SPOCK3: variants seen among roughly 807,000 people sequenced by gnomAD.
SPOCK3 encodes the protein SPARC (osteonectin), cwcv and kazal like domains proteoglycan 3, also known as testican-3.
Under a neutral mutation model 56.6 loss-of-function variants are expected in SPOCK3, and 30 were observed. The observed-to-expected ratio is 0.53, with a 90% CI of 0.40 to 0.72. The LOEUF is 0.72. SPOCK3 is among the 30% of genes least tolerant of loss of function. The pLI is 0.00. For missense variants in SPOCK3, 527 were observed against 530.0 expected (o/e 0.99, Z 0.06); for synonymous variants, 196 against 183.3 (o/e 1.07, Z -0.56).
chr4:167,133,472 T>A (rs1207391953), intron 2 of SPOCK3, among the ~76,000 whole-genome samples: 1 of 152,190 alleles, frequency 6.6e-6, no homozygotes, highest in Non-Finnish European at 1.5e-5. Flanking sequence ...GGCAATATGT[T>A]GCAGAGCAAT....
intron 3 of SPOCK3, among the ~76,000 whole-genome samples, chr4:167,042,562 A>G (rs1191613038): frequency 6.6e-6 from 1 of 152,150 alleles, no homozygotes; most frequent in Non-Finnish European, 1.5e-5. Flanking sequence ...GAGTAGACTG[A>G]TCAGAAAACT....
chr4:167,182,559 A>C (rs1027126701), intron 2 of SPOCK3, among the ~76,000 whole-genome samples: 2 of 150,410 alleles, frequency 1.3e-5, no homozygotes, highest in African/African-American at 2.4e-5. Flanking sequence ...TTTTTTTTTC[A>C]AGACAAGTCT....
At chr4:166,753,264 C>G (rs1281519756) in intron 8 of SPOCK3, among the ~76,000 whole-genome samples, 1 of 151,920 alleles carries the variant, frequency 6.6e-6, no homozygotes, top group Non-Finnish European at 1.5e-5. Context: ...GTGTATTTTT[C>G]TGGCAGTTTA....
At position 166,774,931 on chromosome 4, in the gene SPOCK3, G is replaced by A. The variant is rs561397231; in HGVS notation, c.709+17239C>T. ...TATGTTAACAGTTTAAGTGCAACTT[G>A]CTTACATTTGCAAATACCTTCATAT... On this transcript the variant is annotated intron_variant, in intron 7 of 10. Coordinates refer to ENST00000357545, the MANE Select transcript of SPOCK3 (RefSeq NM_001040159.2). Among the ~76,000 whole-genome samples the A allele has an allele frequency of 7.7e-4, 117 of 152,222 alleles. 1 individual carries two copies. In the South Asian group the frequency reaches 7.9e-3, roughly 10 times the overall value.
chr4:167,109,183 T>C (rs1296075331), intron 2 of SPOCK3, among the ~76,000 whole-genome samples: 1 of 79,764 alleles, frequency 1.3e-5, no homozygotes, highest in South Asian at 4.1e-4. Flanking sequence ...AAAATATATA[T>C]AAATATTATA....
At chr4:166,990,908 G>A (rs115886791) in intron 4 of SPOCK3, among the ~76,000 whole-genome samples, 2,156 of 152,170 alleles carry the variant, frequency 0.014, 43 homozygotes, top group African/African-American at 0.049. Context: ...CTCATTTAAT[G>A]AAGAGATTAT....
chr4:166,752,601 CACACACACACACAT>C lies in SPOCK3; in HGVS notation c.931+1893_931+1906del, dbSNP rs1195353873. ...ACACACACACACACACACACACACA[CACACACACACACAT>C]ATATTTATAGCTACAGTAAACAAGA... On this transcript the variant is annotated intron_variant, in intron 8 of 10. Coordinates refer to ENST00000357545, the MANE Select transcript of SPOCK3 (RefSeq NM_001040159.2). 2.6e-3 allele frequency among the ~76,000 whole-genome samples: 362 copies of C among 137,920 alleles called. 3 individuals carry two copies. Among genetic ancestry groups the C allele is most frequent in the African/African-American group, 9.6e-3 (336 of 35,154 alleles). The allele number at this position is 137,920 out of a possible 152,430, so 90.5% of individuals were successfully genotyped here.
chr4:167,021,109 A>T (rs534392051), intron 3 of SPOCK3, among the ~76,000 whole-genome samples: 54 of 152,210 alleles, frequency 3.5e-4, no homozygotes, highest in Admixed American at 5.2e-4. Context: ...TTGAATAAAA[A>T]TTATAAGAAT....
chr4:166,982,303 G>A (rs1746670073), intron 4 of SPOCK3, among the ~76,000 whole-genome samples: 1 of 152,228 alleles, frequency 6.6e-6, no homozygotes, highest in South Asian at 2.1e-4. Flanking sequence ...ATGCAAAACT[G>A]TCTTTTGATG....
At chr4:167,080,878 CTT>C (rs766090610) in intron 2 of SPOCK3, among the ~76,000 whole-genome samples, 27 of 129,024 alleles carry the variant, frequency 2.1e-4, no homozygotes, top group African/African-American at 5.6e-4. Flanking sequence ...CTCTTTCTTT[CTT>C]TTTTTTTTTT....
intron 2 of SPOCK3, among the ~76,000 whole-genome samples, chr4:167,140,022 C>T (rs548498014): frequency 6.6e-6 from 1 of 151,958 alleles, no homozygotes; most frequent in African/African-American, 2.4e-5. Context: ...GCCAATATGA[C>T]GTAGTCAAGT....
intron 5 of SPOCK3, among the ~76,000 whole-genome samples, chr4:166,893,618 A>G (rs893144584): frequency 7.2e-5 from 11 of 152,272 alleles, no homozygotes; most frequent in Middle Eastern, 3.4e-3. Flanking sequence ...TTCAAGCACT[A>G]TTTTATAGTT....
rs1053783670 is a variant in SPOCK3, at chr4:166,828,492, G to A, written c.590-36203C>T. Among the ~76,000 whole-genome samples, 5 of 151,968 alleles carry A rather than the reference G, an allele frequency of 3.3e-5. No individual in the cohort carries two copies. In the South Asian group the frequency reaches 1.0e-3, roughly 32 times the overall value. Reference sequence around the variant, plus strand: ...AATATTGTGTAACTTATCATATTATGTGGGGAACAATTTTTCCCACTTTTT... The same window carrying A: ...AATATTGTGTAACTTATCATATTATATGGGGAACAATTTTTCCCACTTTTT... On this transcript the variant is annotated intron_variant, in intron 6 of 10. Coordinates refer to ENST00000357545, the MANE Select transcript of SPOCK3 (RefSeq NM_001040159.2).
chr4:166,933,961 A>T (rs1374981733), intron 4 of SPOCK3, among the ~76,000 whole-genome samples: 2 of 152,138 alleles, frequency 1.3e-5, no homozygotes, highest in Non-Finnish European at 2.9e-5. Flanking sequence ...TTCACAGGTA[A>T]TCAGGTCCTC....
intron 2 of SPOCK3, among the ~76,000 whole-genome samples, chr4:167,232,599 A>T (rs1737288131): frequency 6.6e-6 from 1 of 152,152 alleles, no homozygotes; most frequent in African/African-American, 2.4e-5. Flanking sequence ...GGAATATCTC[A>T]CTCGCTATCC....
intron 2 of SPOCK3, among the ~76,000 whole-genome samples, chr4:167,178,061 G>C (rs931608173): frequency 2.0e-5 from 3 of 152,134 alleles, no homozygotes; most frequent in African/African-American, 7.2e-5. Context: ...AGGTAATTGA[G>C]TTCCAGATTC....
At chr4:167,108,991 T>C (rs1182440390) in intron 2 of SPOCK3, among the ~76,000 whole-genome samples, 2 of 26,242 alleles carry the variant, frequency 7.6e-5, no homozygotes, top group Admixed American at 6.3e-4. Context: ...TAAATATATA[T>C]TTATATATAT....
chr4:166,909,968 T>C (rs1170171137), intron 5 of SPOCK3, among the ~76,000 whole-genome samples: 1 of 152,104 alleles, frequency 6.6e-6, no homozygotes, highest in Non-Finnish European at 1.5e-5. Flanking sequence ...CTAAATAGCC[T>C]AGGGCAATAC....
At chr4:167,206,351 T>C (rs555956142) in intron 2 of SPOCK3, among the ~76,000 whole-genome samples, 2 of 152,214 alleles carry the variant, frequency 1.3e-5, no homozygotes, top group South Asian at 2.1e-4. Flanking sequence ...TAAGTATGTT[T>C]ATGTATGTTG....
Sources: gnomAD v4.1 joint callset for allele counts (sites outside exome capture counted in the v4.1 genomes callset) on GRCh38, gnomAD v4.1.1 for gene constraint, MANE v1.5 for transcripts, NCBI Gene and HGNC (gene_info 2026-07-23, HGNC 2026-07-21) for gene names.